The following OCA2 variants were observed in gnomAD, a reference collection of about 807,000 sequenced individuals.
OCA2 encodes the protein OCA2 melanosomal transmembrane protein.
OCA2 carries 77 observed loss-of-function variants against 100.2 expected under a neutral mutation model. The ratio of observed to expected loss-of-function variants is 0.77; its 90% CI spans 0.64 to 0.93. The LOEUF is 0.93. Ranked by LOEUF, OCA2 falls within the 40% of genes least tolerant of loss-of-function variation. OCA2 has a pLI of 0.00. For synonymous variants in OCA2, 432 were observed against 439.2 expected (o/e 0.98, Z 0.21); for missense variants, 1,062 against 1,089.1 (o/e 0.98, Z 0.35).
At chr15:27,725,173 A>G in the OCA2 span, among the ~76,000 whole-genome samples, 3 of 152,210 alleles carry the variant, frequency 2.0e-5, no homozygotes, top group Admixed American at 2.0e-4. Flanking sequence ...AGGGCCACAC[A>G]TACAGGAGCC....
chr15:27,757,625 G>A (rs1395842706), intron 23 of OCA2, among the ~76,000 whole-genome samples: 1 of 152,200 alleles, frequency 6.6e-6, no homozygotes, highest in Non-Finnish European at 1.5e-5. Context: ...CATCACCTTG[G>A]AAAAGTATTA....
At chr15:28,069,564 C>G (rs1473204123) in intron 2 of OCA2, among the ~76,000 whole-genome samples, 1 of 141,068 alleles carries the variant, frequency 7.1e-6, no homozygotes, top group Admixed American at 6.9e-5. Context: ...AGGCACGCGC[C>G]GCCACGCCTG....
At chr15:27,969,843 A>G (rs751769093) in intron 14 of OCA2, among the ~76,000 whole-genome samples, 1 of 151,864 alleles carries the variant, frequency 6.6e-6, no homozygotes, top group Non-Finnish European at 1.5e-5. Context: ...AAAATGGTCC[A>G]TTAGGTTGCA....
intron 15 of OCA2, among the ~76,000 whole-genome samples, chr15:27,964,591 G>A (rs563567291): frequency 7.9e-4 from 120 of 152,326 alleles, no homozygotes; most frequent in Non-Finnish European, 1.6e-3. Context: ...CCATTGGGGA[G>A]GGGGCGGGGG....
chr15:28,026,344 G>A (rs2042746346), intron 4 of OCA2, among the ~76,000 whole-genome samples: 1 of 152,156 alleles, frequency 6.6e-6, no homozygotes. Context: ...GTGGTTACCC[G>A]TCCAGCTGGG....
intron 1 of OCA2, among the ~76,000 whole-genome samples, chr15:28,089,519 G>C (rs2044836943): frequency 6.6e-6 from 1 of 152,120 alleles, no homozygotes; most frequent in South Asian, 2.1e-4. Flanking sequence ...GGCTTCAGCT[G>C]GTCCCTCCAT....
chr15:28,041,584 A>C (rs897337900), intron 2 of OCA2, among the ~76,000 whole-genome samples: 1 of 152,238 alleles, frequency 6.6e-6, no homozygotes, highest in African/African-American at 2.4e-5. Context: ...AAGTAAAATT[A>C]TCTCTATTTG....
chr15:27,785,625 G>A (rs2032775806), intron 23 of OCA2, among the ~76,000 whole-genome samples: 1 of 152,182 alleles, frequency 6.6e-6, no homozygotes, highest in South Asian at 2.1e-4. Context: ...AAATTTCAAT[G>A]CTTGTGCACA....
At chr15:27,920,888 T>C (rs1595649347) in intron 19 of OCA2, among the ~76,000 whole-genome samples, 1 of 151,064 alleles carries the variant, frequency 6.6e-6, no homozygotes, top group Non-Finnish European at 1.5e-5. Flanking sequence ...CTGAAGAACA[T>C]AGAAGAAAAA....
the OCA2 span, among the ~76,000 whole-genome samples, chr15:27,722,229 T>C: frequency 2.0e-5 from 3 of 152,250 alleles, no homozygotes; most frequent in Non-Finnish European, 4.4e-5. Flanking sequence ...ATTCTATTTT[T>C]CTGTGGTAAA....
intron 23 of OCA2, among the ~76,000 whole-genome samples, chr15:27,771,275 C>G (rs1282658816): frequency 2.0e-5 from 3 of 152,136 alleles, no homozygotes; most frequent in Non-Finnish European, 4.4e-5. Context: ...CCACCGCGGT[C>G]CCGCCAAGGT....
chr15:28,085,197 C>T (rs1213027690), intron 1 of OCA2, among the ~76,000 whole-genome samples: 1 of 152,188 alleles, frequency 6.6e-6, no homozygotes, highest in African/African-American at 2.4e-5. Context: ...AGCAATCCCA[C>T]CGCACCTCCC....
chr15:27,926,265 G>A lies in OCA2; in HGVS notation c.1952-11C>T. ...GAATAGCAATCCATCCTGAAAATAA[G>A]TAAATAGACATAGAGATATAGTTCC... is the stretch of plus-strand genomic sequence containing the variant. On this transcript the variant is annotated splice_polypyrimidine_tract_variant and intron_variant, in intron 18 of 23. Coordinates refer to ENST00000354638, the MANE Select transcript of OCA2 (RefSeq NM_000275.3). The A allele has an allele frequency of 6.2e-7, 1 of 1,613,834 alleles. No homozygotes were observed. The highest frequency in any genetic ancestry group is 8.5e-7 in the Non-Finnish European group (1 of 1,179,774).
chr15:27,833,564 A>AT (rs1333237499), intron 23 of OCA2, among the ~76,000 whole-genome samples: 15 of 151,988 alleles, frequency 9.9e-5, no homozygotes, highest in Non-Finnish European at 2.2e-4. Context: ...TAATGTACTT[A>AT]TTTTTTTCTG....
chr15:28,063,406 A>G (rs918834037), intron 2 of OCA2, among the ~76,000 whole-genome samples: 3 of 152,110 alleles, frequency 2.0e-5, no homozygotes, highest in Non-Finnish European at 4.4e-5. Flanking sequence ...ATCTATGTTT[A>G]ATATAATTAC....
In OCA2 at chr15:27,792,269, C is replaced by T. The variant is rs137942697; in HGVS notation, c.2433-36797G>A. Among the ~76,000 whole-genome samples the T allele has an allele frequency of 4.3e-3, 653 of 152,240 alleles. 2 individuals carry two copies. The highest frequency in any genetic ancestry group is 0.01 in the Middle Eastern group (3 of 294). On this transcript the variant is annotated intron_variant, in intron 23 of 23. Transcript: ENST00000354638. ...TTCCTTCCTGTGTGCCTTCTTCCTT[C>T]CTTCTTGCTTTCTTTTTTCATTGAT...
chr15:27,982,113 G>C (rs1480417364), intron 14 of OCA2, among the ~76,000 whole-genome samples: 2 of 152,158 alleles, frequency 1.3e-5, no homozygotes, highest in African/African-American at 4.8e-5. Flanking sequence ...TCCAGGCCCT[G>C]TTATTCCATG....
At chr15:27,750,310 T>G (rs2030024929), downstream of OCA2, among the ~76,000 whole-genome samples, 1 of 152,180 alleles carries the variant, frequency 6.6e-6, no homozygotes, top group Non-Finnish European at 1.5e-5. Flanking sequence ...TGGAGTGCAC[T>G]TAAGGAAATG....
intron 23 of OCA2, among the ~76,000 whole-genome samples, chr15:27,821,002 G>C (rs899957729): frequency 6.6e-6 from 1 of 152,122 alleles, no homozygotes; most frequent in Non-Finnish European, 1.5e-5. Context: ...GGAGGTGCAG[G>C]CGCCCTCCCT....
Sources: allele counts gnomAD v4.1 joint callset (sites outside exome capture counted in the v4.1 genomes callset), GRCh38; gene constraint gnomAD v4.1.1; transcripts MANE v1.5; gene names NCBI Gene and HGNC (gene_info 2026-07-23, HGNC 2026-07-21).